VPS13C: variants seen among roughly 807,000 people sequenced by gnomAD.
VPS13C encodes the protein vacuolar protein sorting 13 homolog C, also known as intermembrane lipid transfer protein VPS13C.
Under a neutral mutation model 456.8 loss-of-function variants are expected in VPS13C, and 358 were observed. That is an observed-to-expected ratio of 0.78 (90% CI 0.72 to 0.86). VPS13C has a LOEUF of 0.86. Ranked by LOEUF, VPS13C falls within the 40% of genes least tolerant of loss-of-function variation. The pLI is 0.00. For missense variants in VPS13C, 4,818 were observed against 4,385.4 expected (o/e 1.10, Z -2.79); for synonymous variants, 1,578 against 1,486.7 (o/e 1.06, Z -1.41).
chr15:61,990,961 C>A (rs771272451), intron 18 of VPS13C, 39 bp downstream of exon 18: 2 of 1,407,800 alleles, frequency 1.4e-6, no homozygotes, highest in Admixed American at 3.5e-5. Context: ...TAATATAGTA[C>A]AATGAGACAA....
chr15:61,933,906 A>G (rs2044141538), intron 49 of VPS13C, among the ~76,000 whole-genome samples: 1 of 152,068 alleles, frequency 6.6e-6, no homozygotes, highest in Non-Finnish European at 1.5e-5. Context: ...TAGCTATGTA[A>G]TAAAACTGTA....
intron 3 of VPS13C, among the ~76,000 whole-genome samples, chr15:62,038,923 T>C (rs1365859234): frequency 2.0e-5 from 3 of 152,180 alleles, no homozygotes; most frequent in African/African-American, 7.2e-5. Flanking sequence ...CCAGCTAGAA[T>C]GGCTATTATT....
chr15:61,920,133 G>C lies in VPS13C; in HGVS notation c.7411C>G (p.Pro2471Ala). 1.2e-6 allele frequency: 2 copies of C among 1,613,396 alleles called. No individual in the cohort carries two copies. The highest frequency in any genetic ancestry group is 1.7e-6 in the Non-Finnish European group (2 of 1,179,550). ...ATAGATAGGTTCCCTTGACTTGAAG[G>C]TACCATGCTGGCATACTCCAGTTCC... ...NLELEYASMV[P>A]SSQGNLSILS... is the part of the protein sequence containing the mutation. Residue 2471 changes from proline to alanine, a missense_variant, in exon 57 of 85, where the codon CCT (proline) becomes GCT (alanine). Pro to Ala is a conservative substitution (Grantham distance 27). Transcript: ENST00000644861.
At chr15:61,901,547 C>CA (rs2140114492) in intron 66 of VPS13C, among the ~76,000 whole-genome samples, 1 of 152,316 alleles carries the variant, frequency 6.6e-6, no homozygotes, top group South Asian at 2.1e-4. Flanking sequence ...AAATCCAAGA[C>CA]AAAACCCCAA....
At chr15:61,957,417 A>T (rs28725250) in intron 37 of VPS13C, among the ~76,000 whole-genome samples, 70,396 of 151,944 alleles carry the variant, frequency 0.46, 16,580 homozygotes, top group Middle Eastern at 0.65. Flanking sequence ...TTCACTGAAT[A>T]GTGCACCGAA....
intron 18 of VPS13C, among the ~76,000 whole-genome samples, chr15:61,985,336 A>C (rs1015750755): frequency 6.6e-6 from 1 of 152,202 alleles, no homozygotes; most frequent in African/African-American, 2.4e-5. Context: ...AGCTCACTGC[A>C]ACCTCCACCT....
rs1422312701 is a variant in VPS13C, at chr15:61,895,461, C to CA, written c.9106-5062dup. Among the ~76,000 whole-genome samples the CA allele has an allele frequency of 2.0e-5, 3 of 151,658 alleles. No homozygotes were observed. In the East Asian group the frequency reaches 5.8e-4, roughly 29 times the overall value. On this transcript the variant is annotated intron_variant, in intron 66 of 84. Coordinates refer to ENST00000644861, the MANE Select transcript of VPS13C (RefSeq NM_020821.3). ...AATGGACAAACTTTTAGCTAGACTA[C>CA]AAAAAAAGAGAAGACCTCAAATCAA...
intron 1 of VPS13C, among the ~76,000 whole-genome samples, chr15:62,051,779 A>C (rs2140782815): frequency 6.6e-6 from 1 of 152,364 alleles, no homozygotes; most frequent in South Asian, 2.1e-4. Context: ...TTATGTTCAG[A>C]GCATAACCAG....
chr15:61,947,753 A>G (rs1395407412), intron 42 of VPS13C, among the ~76,000 whole-genome samples: 1 of 152,214 alleles, frequency 6.6e-6, no homozygotes, highest in African/African-American at 2.4e-5. Context: ...ATTATTTACT[A>G]TGGCACTTAC....
In VPS13C at chr15:61,915,686, T is replaced by C. The variant is rs2043448726; in HGVS notation, c.8392A>G (p.Arg2798Gly). 1 of 1,607,618 alleles carries C rather than the reference T, an allele frequency of 6.2e-7. No homozygotes were observed. Among genetic ancestry groups the C allele is most frequent in the Middle Eastern group, 1.7e-4 (1 of 6,022 alleles). Reference protein sequence around the residue: ...DIHVKHPADFRDIILFSFKKK... With the variant: ...DIHVKHPADFGDIILFSFKKK... ...TTGAAAGAAAATAAAATAATATCCC[T>C]GAAATCAGCTGGATGTTTCACATGA... is the stretch of plus-strand genomic sequence containing the variant. The change falls in exon 61 of 85, where the codon AGG becomes GGG. Residue 2798 changes from arginine to glycine, a missense_variant. By Grantham distance (125) the Arg-to-Gly change is moderately radical. Coordinates refer to ENST00000644861, the MANE Select transcript of VPS13C (RefSeq NM_020821.3).
intron 78 of VPS13C, among the ~76,000 whole-genome samples, chr15:61,872,515 G>T (rs1402306539): frequency 6.6e-6 from 1 of 152,070 alleles, no homozygotes; most frequent in African/African-American, 2.4e-5. Flanking sequence ...AAGTGCCTTA[G>T]TAACTGTAAC....
At chr15:61,924,861 T>C (rs538343506) in intron 53 of VPS13C, among the ~76,000 whole-genome samples, 1 of 152,280 alleles carries the variant, frequency 6.6e-6, no homozygotes, top group East Asian at 1.9e-4. Flanking sequence ...AACAGAGAAA[T>C]AGATTGCAGA....
intron 18 of VPS13C, among the ~76,000 whole-genome samples, chr15:61,988,955 C>A (rs563260756): frequency 2.6e-5 from 4 of 152,138 alleles, no homozygotes; most frequent in African/African-American, 9.6e-5. Context: ...TATAAAACTT[C>A]TAGAAGCATA....
At chr15:61,920,020 C>T (rs2043597605) in intron 57 of VPS13C, 47 bp downstream of exon 57, 1 of 1,425,890 alleles carries the variant, frequency 7.0e-7, no homozygotes, top group Non-Finnish European at 9.3e-7. Flanking sequence ...AATAAGCCCA[C>T]ACCAACAACT....
intron 64 of VPS13C, among the ~76,000 whole-genome samples, chr15:61,909,487 G>A (rs905291560): frequency 1.4e-4 from 21 of 152,310 alleles, no homozygotes; most frequent in South Asian, 8.3e-4. Context: ...GATTACAGGC[G>A]TGAGCCTCTG....
intron 15 of VPS13C, among the ~76,000 whole-genome samples, chr15:62,001,748 C>T (rs565968225): frequency 2.6e-5 from 4 of 152,190 alleles, no homozygotes; most frequent in East Asian, 1.9e-4. Flanking sequence ...AGTTCCCACC[C>T]ATGAGTGAGA....
At chr15:61,957,626 G>A (rs2045050552) in intron 37 of VPS13C, among the ~76,000 whole-genome samples, 1 of 152,070 alleles carries the variant, frequency 6.6e-6, no homozygotes, top group East Asian at 1.9e-4. Flanking sequence ...CAATCGGCAA[G>A]ATCTGTCAAA....
chr15:61,901,780 A>G (rs1187881124), intron 66 of VPS13C, among the ~76,000 whole-genome samples: 1 of 152,122 alleles, frequency 6.6e-6, no homozygotes, highest in Non-Finnish European at 1.5e-5. Flanking sequence ...CCAAAGGACT[A>G]TAAATCATGC....
rs1392416168 is a variant in VPS13C at position 61,854,912 on chromosome 15, A to G, written c.11119T>C (p.Cys3707Arg). 1.2e-6 allele frequency: 2 copies of G among 1,613,554 alleles called. No homozygotes were observed. The change falls in exon 84 of 85, where the codon TGT (cysteine) becomes CGT (arginine). Residue 3707 changes from cysteine to arginine, a missense_variant. Coordinates refer to ENST00000644861, the MANE Select transcript of VPS13C (RefSeq NM_020821.3). ...FHKKDSANQG[C>R]VRKVYLKDTA... ...TCCTTCAGGTAAACTTTTCGAACAC[A>G]GCCTTGATTGGCACTGTCTTTTTTG... is the stretch of plus-strand genomic sequence containing the variant.
Sources: gnomAD v4.1 joint callset for allele counts (sites outside exome capture counted in the v4.1 genomes callset) on GRCh38, gnomAD v4.1.1 for gene constraint, MANE v1.5 for transcripts, NCBI Gene and HGNC (gene_info 2026-07-23, HGNC 2026-07-21) for gene names.